Variants in OTUD7A observed in about 807,000 individuals in gnomAD.
OTUD7A encodes the protein OTU domain-containing protein 7A.
Under a neutral mutation model 65.7 loss-of-function variants are expected in OTUD7A, and 12 were observed. The observed-to-expected ratio is 0.18, with a 90% confidence interval of 0.12 to 0.30. The LOEUF (loss-of-function observed/expected upper bound fraction) is 0.30, where lower values mean the gene tolerates loss of function less well. OTUD7A is among the 10% of genes least tolerant of loss of function. OTUD7A has a pLI of 1.00. For missense variants in OTUD7A, 1,148 were observed against 1,304.8 expected (o/e 0.88, Z 1.85); for synonymous variants, 641 against 586.3 (o/e 1.09, Z -1.35).
chr15:31,768,727 C>T (rs1203446826), intron 1 of OTUD7A, among the ~76,000 whole-genome samples: 1 of 151,722 alleles, frequency 6.6e-6, no homozygotes, highest in Admixed American at 6.6e-5. Context: ...AAGACACCTA[C>T]AACATAAAGG....
chr15:31,618,102 A>G (rs1019602220), intron 3 of OTUD7A, among the ~76,000 whole-genome samples: 1 of 152,222 alleles, frequency 6.6e-6, no homozygotes, highest in African/African-American at 2.4e-5. Context: ...TACAAAGGAC[A>G]TGAACTCATC....
chr15:31,834,636 T>A (rs1436726614), intron 1 of OTUD7A, among the ~76,000 whole-genome samples: 3 of 152,222 alleles, frequency 2.0e-5, no homozygotes, highest in African/African-American at 7.2e-5. Flanking sequence ...TTCTATTATG[T>A]ATGTATTCTT....
intron 1 of OTUD7A, among the ~76,000 whole-genome samples, chr15:31,773,047 T>C (rs1487813462): frequency 4.6e-5 from 7 of 152,248 alleles, no homozygotes; most frequent in Non-Finnish European, 1.0e-4. Flanking sequence ...TATATTTTAA[T>C]ATGTAGATAT....
intron 1 of OTUD7A, among the ~76,000 whole-genome samples, chr15:31,817,318 A>G (rs1157449593): frequency 6.9e-6 from 1 of 145,238 alleles, no homozygotes; most frequent in Non-Finnish European, 1.5e-5. Context: ...ATCTTGCTGA[A>G]AGTCTAGAGA....
rs560559553 is a variant in OTUD7A, at chr15:31,777,072, C to T, written c.-100+93435G>A. On this transcript the variant is annotated intron_variant, in intron 1 of 12. Transcript: ENST00000307050. ...TGTAATGTGATACCATAAACTGGGT[C>T]GCTCATAAACAGGCATTCATTTCTC... is the stretch of plus-strand genomic sequence containing the variant. 3.9e-5 allele frequency among the ~76,000 whole-genome samples: 6 copies of T among 152,210 alleles called. No individual in the cohort carries two copies. In the South Asian group the frequency reaches 1.2e-3, roughly 32 times the overall value.
At position 31,483,773 on chromosome 15, in the gene OTUD7A, G is replaced by A. The variant is rs1161436802; in HGVS notation, c.2323C>T (p.Arg775Cys). 3 of 1,064,808 alleles carry A rather than the reference G, an allele frequency of 2.8e-6. No individual in the cohort carries two copies. The highest frequency in any genetic ancestry group is 1.7e-5 in the African/African-American group (1 of 58,564). The allele number at this position is 1,064,808 out of a possible 1,614,324, so 66.0% of individuals were successfully genotyped here. A position where few individuals can be genotyped will look rare whatever the true frequency, so the allele number is the denominator to read the frequency against. Reference protein sequence around the residue: ...VPGRSPPAPARQSVIHVQASG... With the variant: ...VPGRSPPAPACQSVIHVQASG... ...GCCTGCACGTGGATGACGCTCTGGC[G>A]CGCTGGCGCCGGGGGGCTGCGGCCA... The change falls in exon 13 of 13, where the codon CGC becomes TGC. Residue 775 changes from arginine to cysteine, a missense_variant. Physicochemically the swap from Arg to Cys is radical, Grantham distance 180 (BLOSUM62 -3). Transcript: ENST00000307050.
At chr15:31,830,457 G>C (rs554621293) in intron 1 of OTUD7A, among the ~76,000 whole-genome samples, 1 of 152,222 alleles carries the variant, frequency 6.6e-6, no homozygotes, top group Non-Finnish European at 1.5e-5. Context: ...ATGACCTTGA[G>C]GGGTACTGTC....
chr15:31,665,427 T>C (rs1448931953), intron 1 of OTUD7A, among the ~76,000 whole-genome samples: 2 of 152,184 alleles, frequency 1.3e-5, no homozygotes, highest in Non-Finnish European at 1.5e-5. Context: ...GCAGCTGTTA[T>C]AAAAACGGTT....
intron 1 of OTUD7A, among the ~76,000 whole-genome samples, chr15:31,789,609 C>T (rs1011932043): frequency 5.9e-5 from 9 of 151,978 alleles, no homozygotes; most frequent in Non-Finnish European, 1.3e-4. Flanking sequence ...CTGATCTCAG[C>T]AGGGTGGCAC....
intron 3 of OTUD7A, among the ~76,000 whole-genome samples, chr15:31,596,416 T>C (rs145770076): frequency 5.9e-5 from 9 of 152,342 alleles, no homozygotes; most frequent in Non-Finnish European, 1.0e-4. Flanking sequence ...CTTCTAGGTT[T>C]GTGTGATTAT....
intron 3 of OTUD7A, among the ~76,000 whole-genome samples, chr15:31,640,524 A>C (rs752646538): frequency 2.0e-5 from 3 of 152,234 alleles, no homozygotes; most frequent in Non-Finnish European, 2.9e-5. Flanking sequence ...ATTTTTGCAT[A>C]TGAGTGAGAT....
intron 1 of OTUD7A, among the ~76,000 whole-genome samples, chr15:31,791,096 G>A (rs964460008): frequency 2.0e-5 from 3 of 151,984 alleles, no homozygotes; most frequent in Non-Finnish European, 4.4e-5. Flanking sequence ...GCTCGATCTC[G>A]GCTCACTGCA....
intron 3 of OTUD7A, among the ~76,000 whole-genome samples, chr15:31,654,153 A>G (rs1247388363): frequency 4.4e-5 from 4 of 90,234 alleles, no homozygotes; most frequent in African/African-American, 1.7e-4. Context: ...ACAGGGAGAC[A>G]TTATATAATA....
At chr15:31,819,804 T>C (rs1896636332) in intron 1 of OTUD7A, among the ~76,000 whole-genome samples, 1 of 151,962 alleles carries the variant, frequency 6.6e-6, no homozygotes, top group Admixed American at 6.6e-5. Context: ...TTATGTCATA[T>C]ATAATGTATC....
intron 1 of OTUD7A, among the ~76,000 whole-genome samples, chr15:31,786,228 ACTAC>A (rs1895671479): frequency 6.6e-6 from 1 of 152,192 alleles, no homozygotes; most frequent in Admixed American, 6.5e-5. Flanking sequence ...TTCTTTATAA[ACTAC>A]CTACTTTCAT....
chr15:31,626,883 GTTTT>G (rs71113403), intron 3 of OTUD7A, among the ~76,000 whole-genome samples: 1 of 146,290 alleles, frequency 6.8e-6, no homozygotes, highest in South Asian at 2.2e-4. Context: ...GCCTATATTT[GTTTT>G]TTTTTTGTTT....
chr15:31,696,044 G>A (rs1893073385), intron 1 of OTUD7A, among the ~76,000 whole-genome samples: 1 of 152,280 alleles, frequency 6.6e-6, no homozygotes, highest in Admixed American at 6.5e-5. Flanking sequence ...GTGCAGACAC[G>A]GGTTGGGGGT....
chr15:31,621,716 T>A (rs1890789885), intron 3 of OTUD7A, among the ~76,000 whole-genome samples: 4 of 151,934 alleles, frequency 2.6e-5, no homozygotes, highest in African/African-American at 9.7e-5. Context: ...TGACTCTTTA[T>A]CCTATTTGCC....
rs374668921 is a variant in OTUD7A, at chr15:31,503,598, G to A, written c.1021+93C>T. 2.6e-6 allele frequency: 4 copies of A among 1,520,632 alleles called. No individual in the cohort carries two copies. In the East Asian group the frequency reaches 6.8e-5, roughly 26 times the overall value. The allele number at this position is 1,520,632 out of a possible 1,614,324, so 94.2% of individuals were successfully genotyped here. A position where few individuals can be genotyped will look rare whatever the true frequency, so the allele number is the denominator to read the frequency against. On this transcript the variant is annotated intron_variant, in intron 9 of 12. Coordinates refer to ENST00000307050, the MANE Select transcript of OTUD7A (RefSeq NM_001382637.1). The stretch of plus-strand genomic sequence containing the variant: ...CACAGAGTGATGCTTTGTGGCCTCT[G>A]GGAGCTCGACCTTGTGCTGTGCTAT...
Sources: gnomAD v4.1 joint callset for allele counts (sites outside exome capture counted in the v4.1 genomes callset) on GRCh38, gnomAD v4.1.1 for gene constraint, MANE v1.5 for transcripts, NCBI Gene and HGNC (gene_info 2026-07-23, HGNC 2026-07-21) for gene names.